CSMD1: variants seen among roughly 807,000 people sequenced by gnomAD.
CSMD1 encodes the protein CUB and sushi domain-containing protein 1.
CSMD1 carries 213 observed loss-of-function variants against 417.5 expected under a neutral mutation model. The ratio of observed to expected loss-of-function variants is 0.51; its 90% CI spans 0.46 to 0.57. The LOEUF is 0.57. Ranked by LOEUF, CSMD1 falls within the 20% of genes least tolerant of loss-of-function variation. The pLI is 0.00. For synonymous variants in CSMD1, 2,862 were observed against 1,736.8 expected (o/e 1.65, Z -16.11); for missense variants, 6,923 against 4,529.7 (o/e 1.53, Z -15.17).
At chr8:4,111,837 T>C (rs1171921559) in intron 3 of CSMD1, among the ~76,000 whole-genome samples, 2 of 152,110 alleles carry the variant, frequency 1.3e-5, no homozygotes, top group Admixed American at 6.5e-5. Flanking sequence ...TCCTAGGTGA[T>C]GGGTTGATAG....
intron 2 of CSMD1, among the ~76,000 whole-genome samples, chr8:4,589,263 A>T (rs1331465343): frequency 2.0e-5 from 3 of 152,176 alleles, no homozygotes; most frequent in Non-Finnish European, 4.4e-5. Context: ...TTTATTTCTA[A>T]ATTTGTGTTT....
intron 1 of CSMD1, among the ~76,000 whole-genome samples, chr8:4,743,513 T>A (rs761133700): frequency 1.2e-4 from 18 of 152,164 alleles, no homozygotes; most frequent in Non-Finnish European, 2.2e-4. Context: ...ACCTCCTGCT[T>A]TGAGTTCATG....
chr8:4,933,301 T>G (rs1245715439), intron 1 of CSMD1, among the ~76,000 whole-genome samples: 1 of 152,216 alleles, frequency 6.6e-6, no homozygotes, highest in Admixed American at 6.5e-5. Flanking sequence ...GAGCACAACC[T>G]GTCCAGCTGT....
At chr8:4,234,690 T>G (rs1285268789) in intron 3 of CSMD1, among the ~76,000 whole-genome samples, 2 of 152,258 alleles carry the variant, frequency 1.3e-5, no homozygotes, top group South Asian at 4.1e-4. Context: ...TGTTAATGAA[T>G]GAATGGTGTG....
At chr8:4,318,713 C>CAAA (rs33979970) in intron 3 of CSMD1, among the ~76,000 whole-genome samples, 7 of 143,522 alleles carry the variant, frequency 4.9e-5, no homozygotes, top group African/African-American at 7.8e-5. Context: ...TTTAAAATCT[C>CAAA]AAAAAAAAAA....
At chr8:4,080,073 A>G (rs1971078) in intron 3 of CSMD1, among the ~76,000 whole-genome samples, 64,007 of 151,446 alleles carry the variant, frequency 0.42, 14,985 homozygotes, top group South Asian at 0.59. Flanking sequence ...TCATCTGACA[A>G]CAGTCTCTGT....
intron 1 of CSMD1, among the ~76,000 whole-genome samples, chr8:4,967,832 G>T (rs761172660): frequency 2.0e-5 from 3 of 152,174 alleles, no homozygotes; most frequent in African/African-American, 7.2e-5. Context: ...AAAGGAAGTT[G>T]TAACAGTTGA....
intron 1 of CSMD1, among the ~76,000 whole-genome samples, chr8:4,832,022 T>G (rs1563528392): frequency 6.6e-6 from 1 of 152,198 alleles, no homozygotes; most frequent in Non-Finnish European, 1.5e-5. Flanking sequence ...AGGAGCTTCC[T>G]CCAAGCAATG....
chr8:4,668,918 T>G (rs978001596), intron 1 of CSMD1, among the ~76,000 whole-genome samples: 7 of 152,184 alleles, frequency 4.6e-5, no homozygotes, highest in African/African-American at 1.7e-4. Context: ...AGCTTTATTT[T>G]ATTCTCTTTT....
rs536022656 is a variant in CSMD1 at position 3,445,356 on chromosome 8, A to G, written c.1561+23356T>C. 5.9e-5 allele frequency among the ~76,000 whole-genome samples: 9 copies of G among 152,286 alleles called. 1 individual carries two copies. In the South Asian group the frequency reaches 6.2e-4, roughly 11 times the overall value. ...ACATTCTGCAGATTGACGTGTATAC[A>G]TATATGTTACCATCTTATTTTCACA... On this transcript the variant is annotated intron_variant, in intron 12 of 69. Transcript: ENST00000635120.
intron 26 of CSMD1, among the ~76,000 whole-genome samples, chr8:3,252,275 C>A (rs987635993): frequency 6.6e-6 from 1 of 152,108 alleles, no homozygotes; most frequent in South Asian, 2.1e-4. Flanking sequence ...GAATGAAGGG[C>A]TGTTGAATTT....
intron 28 of CSMD1, among the ~76,000 whole-genome samples, chr8:3,222,917 G>A (rs181949347): frequency 1.3e-5 from 2 of 152,250 alleles, no homozygotes; most frequent in African/African-American, 4.8e-5. Context: ...CTTGAATACT[G>A]ACATAAAGAT....
intron 1 of CSMD1, among the ~76,000 whole-genome samples, chr8:4,913,366 CG>C (rs1461618142): frequency 4.6e-5 from 7 of 152,088 alleles, no homozygotes; most frequent in Non-Finnish European, 8.8e-5. Context: ...ATGTTTCTGG[CG>C]GGGGACCATT....
In CSMD1 at chr8:4,885,567, C is replaced by G. The variant is rs555630744; in HGVS notation, c.85+108765G>C. Among the ~76,000 whole-genome samples the G allele has an allele frequency of 2.8e-4, 42 of 152,024 alleles. No homozygotes were observed. The East Asian group carries it at 6.6e-3, about 24-fold the overall frequency. ...TGTTGGATTTTGTCAAATGCTTTTT[C>G]TGCATTACTGAGATGATTAGGTGGC... On this transcript the variant is annotated intron_variant, in intron 1 of 69. Transcript: ENST00000635120.
intron 25 of CSMD1, among the ~76,000 whole-genome samples, chr8:3,288,686 CTCTTT>C (rs773759072): frequency 4.8e-5 from 7 of 146,902 alleles, no homozygotes; most frequent in South Asian, 2.1e-4. Flanking sequence ...TGATTCTTCT[CTCTTT>C]TCTTCTTTAT....
At chr8:4,109,928 A>G (rs773141743) in intron 3 of CSMD1, among the ~76,000 whole-genome samples, 3 of 152,282 alleles carry the variant, frequency 2.0e-5, no homozygotes, top group Admixed American at 6.5e-5. Context: ...AGAAAATGAA[A>G]TAAGATCATG....
At chr8:3,142,094 GC>G (rs1266460230) in intron 41 of CSMD1, among the ~76,000 whole-genome samples, 1 of 152,162 alleles carries the variant, frequency 6.6e-6, no homozygotes, top group Non-Finnish European at 1.5e-5. Context: ...ACCGCGCCCG[GC>G]CGCCAAATTA....
chr8:4,244,892 T>A (rs558029553), intron 3 of CSMD1, among the ~76,000 whole-genome samples: 2 of 152,288 alleles, frequency 1.3e-5, no homozygotes, highest in Admixed American at 1.3e-4. Context: ...CTGATAGATA[T>A]AATGGAGATA....
At chr8:4,178,210 C>T (rs1295458978) in intron 3 of CSMD1, among the ~76,000 whole-genome samples, 1 of 152,164 alleles carries the variant, frequency 6.6e-6, no homozygotes, top group Non-Finnish European at 1.5e-5. Flanking sequence ...AATCCAGCAG[C>T]ACATCAAAAA....
Sources: gnomAD v4.1 joint callset for allele counts (sites outside exome capture counted in the v4.1 genomes callset) on GRCh38, gnomAD v4.1.1 for gene constraint, MANE v1.5 for transcripts, NCBI Gene and HGNC (gene_info 2026-07-23, HGNC 2026-07-21) for gene names.